CADM2: variants seen among roughly 807,000 people sequenced by gnomAD.
CADM2 encodes immunoglobulin superfamily member 4D.
CADM2 carries 12 observed loss-of-function variants against 49.8 expected under a neutral mutation model. The observed-to-expected ratio is 0.24, with a 90% CI of 0.15 to 0.39. The LOEUF (loss-of-function observed/expected upper bound fraction) is 0.39. CADM2 is among the 10% of genes least tolerant of loss of function. CADM2 has a pLI of 1.00. For missense variants in CADM2, 378 were observed against 492.3 expected, an observed-to-expected ratio of 0.77 and a Z score of 2.20; for synonymous variants, 214 against 175.4, an observed-to-expected ratio of 1.22 and a Z score of -1.74.
At chr3:85,882,410 T>C (rs535514085) in intron 3 of CADM2, among the ~76,000 whole-genome samples, 1 of 152,242 alleles carries the variant, frequency 6.6e-6, no homozygotes, top group African/African-American at 2.4e-5. Context: ...CTTCTGTTTC[T>C]AGTTTGTGGT....
chr3:85,633,643 C>A (rs1474382819), intron 1 of CADM2, among the ~76,000 whole-genome samples: 1 of 151,944 alleles, frequency 6.6e-6, no homozygotes, highest in Non-Finnish European at 1.5e-5. Context: ...ACATGTAATC[C>A]TGTTTTTCAT....
chr3:85,049,969 A>G (rs1285667509), intron 1 of CADM2, among the ~76,000 whole-genome samples: 1 of 151,910 alleles, frequency 6.6e-6, no homozygotes, highest in African/African-American at 2.4e-5. Flanking sequence ...CTTGGGCTGG[A>G]CTCCTTCTTG....
At position 85,088,495 on chromosome 3, in the gene CADM2, C is replaced by T. The variant is rs2037468503; in HGVS notation, c.61+128827C>T. On this transcript the variant is annotated intron_variant, in intron 1 of 9. Coordinates refer to ENST00000383699, the MANE Select transcript of CADM2 (RefSeq NM_001167675.2). ...ACTATTAATGAAGTTTGTCTGAAAC[C>T]ACCTTTTATTTTTCTGGCATATAAG... 2.0e-5 allele frequency among the ~76,000 whole-genome samples: 3 copies of T among 152,074 alleles called. No individual in the cohort carries two copies. The South Asian group carries it at 6.2e-4, about 32-fold the overall frequency.
At chr3:85,973,891 T>C (rs1344213859) in intron 8 of CADM2, among the ~76,000 whole-genome samples, 1 of 151,516 alleles carries the variant, frequency 6.6e-6, no homozygotes, top group Non-Finnish European at 1.5e-5. Flanking sequence ...GGAAATTAGG[T>C]GGGCTTAGCT....
intron 1 of CADM2, among the ~76,000 whole-genome samples, chr3:85,019,632 A>G (rs1319123839): frequency 6.6e-6 from 1 of 152,204 alleles, no homozygotes; most frequent in Non-Finnish European, 1.5e-5. Flanking sequence ...TACAATCCAA[A>G]ATAGAGAAAC....
At chr3:85,725,693 A>T (rs1202552218) in intron 1 of CADM2, among the ~76,000 whole-genome samples, 7 of 152,008 alleles carry the variant, frequency 4.6e-5, no homozygotes, top group African/African-American at 9.7e-5. Flanking sequence ...TTACCACTAG[A>T]TATAAGCTTA....
intron 1 of CADM2, among the ~76,000 whole-genome samples, chr3:85,454,982 A>G (rs1229593190): frequency 6.6e-6 from 1 of 152,216 alleles, no homozygotes; most frequent in African/African-American, 2.4e-5. Context: ...CATTGCAGAT[A>G]GAAATCTTAT....
chr3:85,147,275 C>CAAAAAAA (rs759888985), intron 1 of CADM2, among the ~76,000 whole-genome samples: 47 of 46,000 alleles, frequency 1.0e-3, no homozygotes, highest in Non-Finnish European at 1.7e-3. Flanking sequence ...GACTCTGTCT[C>CAAAAAAA]AAAAAAAAAA....
At chr3:85,890,169 G>GTTC in intron 5 of CADM2, among the ~76,000 whole-genome samples, 1 of 151,992 alleles carries the variant, frequency 6.6e-6, no homozygotes, top group Non-Finnish European at 1.5e-5. Flanking sequence ...AAAGGGGAAA[G>GTTC]AGCAAGCAGG....
chr3:85,652,297 A>G (rs1001611071), intron 1 of CADM2, among the ~76,000 whole-genome samples: 2 of 152,166 alleles, frequency 1.3e-5, no homozygotes, highest in African/African-American at 2.4e-5. Context: ...TTAGCGTGTG[A>G]TATCTGCGTT....
chr3:84,994,555 T>C (rs1324040462), intron 1 of CADM2, among the ~76,000 whole-genome samples: 1 of 152,152 alleles, frequency 6.6e-6, no homozygotes, highest in African/African-American at 2.4e-5. Context: ...AGAGTGTTTC[T>C]TTGTCTTCTT....
chr3:85,281,692 T>C (rs1409435109), intron 1 of CADM2, among the ~76,000 whole-genome samples: 1 of 152,148 alleles, frequency 6.6e-6, no homozygotes, highest in African/African-American at 2.4e-5. Context: ...CATCAAATTA[T>C]TATTTGACTG....
At position 85,154,482 on chromosome 3, in the gene CADM2, C is replaced by T. The variant is rs569325942; in HGVS notation, c.61+194814C>T. Among the ~76,000 whole-genome samples the T allele has an allele frequency of 1.8e-4, 28 of 152,200 alleles. No homozygotes were observed. In the South Asian group the frequency reaches 4.8e-3, roughly 26 times the overall value. ...ATCTGATTGGTGTACTTGAAAGTGACGGGGAGAATGGAACCAAGTTGGAAA... is the reference window on the plus strand; with the variant it reads ...ATCTGATTGGTGTACTTGAAAGTGATGGGGAGAATGGAACCAAGTTGGAAA... On this transcript the variant is annotated intron_variant, in intron 1 of 9. Transcript: ENST00000383699.
chr3:85,117,249 T>C (rs551532645), intron 1 of CADM2, among the ~76,000 whole-genome samples: 46 of 90,710 alleles, frequency 5.1e-4, no homozygotes, highest in African/African-American at 2.1e-3. Flanking sequence ...GAAAATTTTA[T>C]GATTTTTTTT....
intron 6 of CADM2, among the ~76,000 whole-genome samples, chr3:85,930,476 T>C (rs1443975742): frequency 2.0e-5 from 3 of 152,140 alleles, no homozygotes; most frequent in African/African-American, 7.2e-5. Flanking sequence ...CTGTAACTTA[T>C]TTTAAAATAT....
At chr3:85,149,109 T>TTA (rs2039841120) in intron 1 of CADM2, among the ~76,000 whole-genome samples, 1 of 151,728 alleles carries the variant, frequency 6.6e-6, no homozygotes, top group African/African-American at 2.4e-5. Flanking sequence ...CTTTTTTTTT[T>TTA]AAAAAAATCA....
At chr3:85,367,116 T>C (rs1252607227) in intron 1 of CADM2, among the ~76,000 whole-genome samples, 1 of 152,052 alleles carries the variant, frequency 6.6e-6, no homozygotes, top group African/African-American at 2.4e-5. Context: ...ATATATAATA[T>C]CAAAATTGAT....
At chr3:85,173,135 C>T (rs2040676719) in intron 1 of CADM2, among the ~76,000 whole-genome samples, 1 of 150,986 alleles carries the variant, frequency 6.6e-6, no homozygotes, top group Non-Finnish European at 1.5e-5. Context: ...GCTGGGACTA[C>T]AGGTGCCCGC....
intron 1 of CADM2, among the ~76,000 whole-genome samples, chr3:85,526,327 TTATG>T (rs2061158533): frequency 6.6e-6 from 1 of 152,006 alleles, no homozygotes; most frequent in Non-Finnish European, 1.5e-5. Context: ...GAGTAGTTCT[TTATG>T]TAGTGATTTT....
Sources: gnomAD v4.1 joint callset for allele counts (sites outside exome capture counted in the v4.1 genomes callset) on GRCh38, gnomAD v4.1.1 for gene constraint, MANE v1.5 for transcripts, NCBI Gene and HGNC (gene_info 2026-07-23, HGNC 2026-07-21) for gene names.